Variants in PTPRT observed in about 807,000 individuals in gnomAD.
PTPRT encodes the protein receptor-type tyrosine-protein phosphatase T.
PTPRT carries 56 observed loss-of-function variants against 176.8 expected under a neutral mutation model. The observed-to-expected ratio is 0.32, with a 90% CI of 0.26 to 0.40. PTPRT has a LOEUF of 0.40. Ranked by LOEUF, PTPRT falls within the 10% of genes least tolerant of loss-of-function variation. PTPRT has a pLI of 1.00. For synonymous variants in PTPRT, 783 were observed against 739.0 expected (o/e 1.06, Z -0.96); for missense variants, 1,540 against 1,908.2 (o/e 0.81, Z 3.60).
At chr20:42,910,573 T>G (rs771980849) in intron 1 of PTPRT, among the ~76,000 whole-genome samples, 1 of 151,984 alleles carries the variant, frequency 6.6e-6, no homozygotes, top group Non-Finnish European at 1.5e-5. Context: ...GGCTATGGGG[T>G]CAAACTAAAC....
intron 9 of PTPRT, among the ~76,000 whole-genome samples, chr20:42,372,073 C>A (rs1471253765): frequency 6.6e-6 from 1 of 152,048 alleles, no homozygotes; most frequent in South Asian, 2.1e-4. Context: ...TCAAGAGACT[C>A]CAAACATTCC....
intron 1 of PTPRT, among the ~76,000 whole-genome samples, chr20:43,093,840 C>A (rs2011990288): frequency 6.6e-6 from 1 of 152,170 alleles, no homozygotes; most frequent in African/African-American, 2.4e-5. Context: ...CCAAGCTACT[C>A]TTTCCATGTC....
rs114635495 is a variant in PTPRT, at chr20:42,778,792, C to A, written c.568+1426G>T. ...ATGCATATCTACTACATAAACCCTG[C>A]ATAGCTGGGGGGATTTCTGGGATCC... is the stretch of plus-strand genomic sequence containing the variant. On this transcript the variant is annotated intron_variant, in intron 4 of 30. Transcript: ENST00000373187. 6.3e-3 allele frequency among the ~76,000 whole-genome samples: 955 copies of A among 152,260 alleles called. 18 individuals are homozygous for A. The highest frequency in any genetic ancestry group is 0.021 in the African/African-American group (861 of 41,540).
intron 1 of PTPRT, among the ~76,000 whole-genome samples, chr20:43,173,248 C>T (rs1181279130): frequency 6.6e-6 from 1 of 152,170 alleles, no homozygotes; most frequent in Non-Finnish European, 1.5e-5. Flanking sequence ...AGAAACCAAG[C>T]ATTAACACTG....
chr20:42,232,299 G>A (rs1238396521), intron 15 of PTPRT, among the ~76,000 whole-genome samples: 1 of 152,206 alleles, frequency 6.6e-6, no homozygotes, highest in Non-Finnish European at 1.5e-5. Context: ...CCTATGAGGA[G>A]GGTATTACTT....
At position 42,249,041 on chromosome 20, in the gene PTPRT, A is replaced by T. The variant is rs141202327; in HGVS notation, c.2177-219T>A. Among the ~76,000 whole-genome samples, 29 of 152,340 alleles carry T rather than the reference A, an allele frequency of 1.9e-4. No homozygotes were observed. In the East Asian group the frequency reaches 5.0e-3, roughly 26 times the overall value. Reference sequence around the variant, plus strand: ...ATTCTTTTGAGATGAAGAAACTGACATGCAGAGAAATTAAGTGAGTTGCCT... The same window carrying T: ...ATTCTTTTGAGATGAAGAAACTGACTTGCAGAGAAATTAAGTGAGTTGCCT... On this transcript the variant is annotated intron_variant, in intron 13 of 30. Transcript: ENST00000373187.
At chr20:42,955,992 C>G (rs1422621841) in intron 1 of PTPRT, among the ~76,000 whole-genome samples, 4 of 152,154 alleles carry the variant, frequency 2.6e-5, no homozygotes, top group Admixed American at 1.3e-4. Flanking sequence ...AGCGCATTCC[C>G]TTCCAGGAGA....
intron 7 of PTPRT, among the ~76,000 whole-genome samples, chr20:42,644,647 C>T (rs1293324724): frequency 6.6e-6 from 1 of 152,042 alleles, no homozygotes; most frequent in Non-Finnish European, 1.5e-5. Flanking sequence ...CCTCAAAGTC[C>T]AGAGACTCAG....
At chr20:42,616,025 T>A (rs1195862729) in intron 7 of PTPRT, among the ~76,000 whole-genome samples, 112 of 126,280 alleles carry the variant, frequency 8.9e-4, no homozygotes, top group African/African-American at 4.2e-3. Context: ...GCCTATGTCC[T>A]GAATGGTAAT....
intron 1 of PTPRT, among the ~76,000 whole-genome samples, chr20:42,901,235 C>T (rs1359015971): frequency 6.6e-6 from 1 of 152,094 alleles, no homozygotes; most frequent in African/African-American, 2.4e-5. Flanking sequence ...CTGACTCCAC[C>T]GGACTTCATC....
At chr20:42,054,365 C>T in the PTPRT span, among the ~76,000 whole-genome samples, 1 of 152,150 alleles carries the variant, frequency 6.6e-6, no homozygotes, top group African/African-American at 2.4e-5. Flanking sequence ...TGAATCCAAG[C>T]TTCTAAGTAG....
At chr20:42,597,725 G>A (rs759143745) in intron 7 of PTPRT, among the ~76,000 whole-genome samples, 1 of 152,150 alleles carries the variant, frequency 6.6e-6, no homozygotes, top group Non-Finnish European at 1.5e-5. Context: ...GGAACAGTGA[G>A]GCAATCGAAC....
rs2074670108 is a variant in PTPRT at position 42,638,827 on chromosome 20, TTC to T, written c.1153+39037_1153+39038del. Among the ~76,000 whole-genome samples the T allele has an allele frequency of 4.6e-5, 7 of 152,310 alleles. No homozygotes were observed. The East Asian group carries it at 5.8e-4, about 13-fold the overall frequency. Reference sequence around the variant, plus strand: ...ATATATAGGTTGAATTTCAATTTTCTTCTCTGTTTATAAACTGTTTTCCCACA... The same window carrying T: ...ATATATAGGTTGAATTTCAATTTTCTTCTGTTTATAAACTGTTTTCCCACA... On this transcript the variant is annotated intron_variant, in intron 7 of 30. Transcript: ENST00000373187.
chr20:43,090,193 C>T (rs2011765831), intron 1 of PTPRT, among the ~76,000 whole-genome samples: 1 of 152,004 alleles, frequency 6.6e-6, no homozygotes, highest in Admixed American at 6.5e-5. Flanking sequence ...CAAACAAGAA[C>T]TTTCACAGAA....
chr20:42,289,841 G>T (rs569322275), intron 12 of PTPRT, among the ~76,000 whole-genome samples: 15 of 152,104 alleles, frequency 9.9e-5, no homozygotes, highest in Non-Finnish European at 1.6e-4. Flanking sequence ...TGTTTTCTAT[G>T]ATCTAGAGTG....
At chr20:43,034,320 G>A (rs1177519700) in intron 1 of PTPRT, among the ~76,000 whole-genome samples, 2 of 152,138 alleles carry the variant, frequency 1.3e-5, no homozygotes, top group Non-Finnish European at 2.9e-5. Flanking sequence ...GATGCATCTT[G>A]TAGAGGCAGG....
intron 1 of PTPRT, among the ~76,000 whole-genome samples, chr20:42,999,950 A>G (rs1430493907): frequency 6.6e-6 from 1 of 151,976 alleles, no homozygotes; most frequent in Non-Finnish European, 1.5e-5. Context: ...TCATCCCACA[A>G]TGAGATGGGA....
At chr20:42,730,601 C>G (rs145118479) in intron 6 of PTPRT, among the ~76,000 whole-genome samples, 1 of 152,248 alleles carries the variant, frequency 6.6e-6, no homozygotes, top group Non-Finnish European at 1.5e-5. Flanking sequence ...TCTCAGGGAA[C>G]CAAATGCTGT....
intron 7 of PTPRT, among the ~76,000 whole-genome samples, chr20:42,618,932 C>A (rs1267422582): frequency 6.6e-6 from 1 of 151,430 alleles, no homozygotes; most frequent in African/African-American, 2.4e-5. Flanking sequence ...AGAATTTAGT[C>A]CATTTACATT....
Sources: allele counts gnomAD v4.1 joint callset (sites outside exome capture counted in the v4.1 genomes callset), GRCh38; gene constraint gnomAD v4.1.1; transcripts MANE v1.5; gene names NCBI Gene and HGNC (gene_info 2026-07-23, HGNC 2026-07-21).